Variants in CD200 observed in about 807,000 individuals in gnomAD.
CD200 encodes OX-2 membrane glycoprotein.
A neutral mutation model predicts 30.9 loss-of-function variants in CD200; 15 were observed. The ratio of observed to expected loss-of-function variants is 0.49; its 90% CI spans 0.32 to 0.75. CD200 has a LOEUF of 0.75. CD200 is among the 30% of genes least tolerant of loss of function. The probability of loss-of-function intolerance (pLI) is 0.03; values close to 1 mark genes in which losing one functional copy is unlikely to be tolerated. For missense variants in CD200, 262 were observed against 324.2 expected (o/e 0.81, Z 1.47); for synonymous variants, 134 against 126.2 (o/e 1.06, Z -0.41).
chr3:112,359,878 T>C (rs1199396167), intron 5 of CD200, among the ~76,000 whole-genome samples: 2 of 152,164 alleles, frequency 1.3e-5, no homozygotes, highest in Non-Finnish European at 2.9e-5. Context: ...TTGAAAAGGA[T>C]ACCAGTTACT....
chr3:112,347,522 T>G (rs1413873386), intron 3 of CD200, 36 bp from the exon 4 acceptor site: 1 of 1,604,430 alleles, frequency 6.2e-7, no homozygotes, highest in Non-Finnish European at 8.5e-7. Flanking sequence ...ACCAGGTGCT[T>G]AACTGATAAC....
In CD200 at chr3:112,347,460, T is replaced by A. The variant is rs375367482; in HGVS notation, c.422-98T>A. ...CATGCTATCTTTCTAGCCTCCATTA[T>A]CTTTCTATAAGCATATTTCCTTCAT... On this transcript the variant is annotated intron_variant, in intron 3 of 5. Coordinates refer to ENST00000315711, the MANE Select transcript of CD200 (RefSeq NM_005944.7). The A allele has an allele frequency of 6.6e-6, 8 of 1,212,974 alleles. No individual in the cohort carries two copies. In the African/African-American group the frequency reaches 1.2e-4, roughly 18 times the overall value. The allele number at this position is 1,212,974 out of a possible 1,614,324, so 75.1% of individuals were successfully genotyped here.
intron 3 of CD200, among the ~76,000 whole-genome samples, chr3:112,346,126 G>T (rs1300579628): frequency 2.0e-5 from 3 of 152,206 alleles, no homozygotes; most frequent in Admixed American, 6.5e-5. Flanking sequence ...AATGCCAAAA[G>T]AAATTTCTTT....
intron 5 of CD200, among the ~76,000 whole-genome samples, chr3:112,351,776 C>G (rs1374192535): frequency 6.6e-6 from 1 of 152,122 alleles, no homozygotes; most frequent in African/African-American, 2.4e-5. Context: ...TATTTGGTTT[C>G]TAAAGGCTAT....
chr3:112,352,130 A>G (rs566800219), intron 5 of CD200, among the ~76,000 whole-genome samples: 1 of 152,346 alleles, frequency 6.6e-6, no homozygotes, highest in East Asian at 1.9e-4. Context: ...ATAATTTGGC[A>G]TCATACACTT....
At chr3:112,335,439 A>G (rs1450701303) in intron 1 of CD200, among the ~76,000 whole-genome samples, 1 of 152,228 alleles carries the variant, frequency 6.6e-6, no homozygotes, top group African/African-American at 2.4e-5. Flanking sequence ...ATCTGCAAAG[A>G]ATAATTTGTC....
upstream of CD200, chr3:112,332,771 T>C (rs1283890609): frequency 1.6e-5 from 1 of 62,764 alleles, no homozygotes; most frequent in African/African-American, 7.0e-5. Flanking sequence ...ATGTAAGTTT[T>C]TTCTTTAAAA....
At chr3:112,348,579 G>A (rs938091153) in intron 4 of CD200, among the ~76,000 whole-genome samples, 1 of 152,158 alleles carries the variant, frequency 6.6e-6, no homozygotes, top group Admixed American at 6.5e-5. Flanking sequence ...TTTTCTCTGT[G>A]TAGTTTTGAA....
intron 1 of CD200, among the ~76,000 whole-genome samples, chr3:112,334,847 T>C (rs1050256583): frequency 1.3e-5 from 2 of 152,222 alleles, no homozygotes; most frequent in African/African-American, 4.8e-5. Flanking sequence ...TTTCTTAACA[T>C]TGCTGGCTCC....
At chr3:112,346,853 C>G (rs1046602797) in intron 3 of CD200, among the ~76,000 whole-genome samples, 2 of 152,228 alleles carry the variant, frequency 1.3e-5, no homozygotes, top group Non-Finnish European at 2.9e-5. Context: ...GTACAGGCTA[C>G]AGCTGGCCTG....
intron 1 of CD200, among the ~76,000 whole-genome samples, chr3:112,337,436 C>A (rs762342928): frequency 2.0e-5 from 3 of 151,816 alleles, no homozygotes; most frequent in Non-Finnish European, 4.4e-5. Context: ...TTGCGTGGTG[C>A]GTTTAGAAGT....
At chr3:112,346,845 A>G (rs2081407474) in intron 3 of CD200, among the ~76,000 whole-genome samples, 2 of 152,252 alleles carry the variant, frequency 1.3e-5, no homozygotes, top group Admixed American at 6.5e-5. Flanking sequence ...TCAAAAGGGT[A>G]CAGGCTACAG....
chr3:112,351,189 G>A (rs1321162087), intron 5 of CD200, among the ~76,000 whole-genome samples: 1 of 152,138 alleles, frequency 6.6e-6, no homozygotes, highest in Non-Finnish European at 1.5e-5. Flanking sequence ...GAGCAGGCTA[G>A]GACTAAACCC....
At position 112,342,319 on chromosome 3, in the gene CD200, T is replaced by C. The variant is rs1179406072; in HGVS notation, c.94+1336T>C. Among the ~76,000 whole-genome samples, 26 of 16,118 alleles carry C rather than the reference T, an allele frequency of 1.6e-3. 5 individuals carry two copies. The highest frequency in any genetic ancestry group is 7.1e-3 in the African/African-American group (24 of 3,368). 10.6% of individuals were successfully genotyped at this position (16,118 alleles called of 152,430 possible). The stretch of plus-strand genomic sequence containing the variant: ...CTTCCTTCCTTCCTTTCTTCTTTCT[T>C]TCTTTCTTTCTTTCTTTCCTTCTTT... On this transcript the variant is annotated intron_variant, in intron 2 of 5. Transcript: ENST00000315711.
chr3:112,346,255 C>T (rs1232938882), intron 3 of CD200, among the ~76,000 whole-genome samples: 4 of 149,818 alleles, frequency 2.7e-5, no homozygotes, highest in Admixed American at 6.7e-5. Flanking sequence ...CCTTCCTTTC[C>T]TCCCTCTCTG....
chr3:112,352,147 A>G (rs1185132599), intron 5 of CD200, among the ~76,000 whole-genome samples: 1 of 152,206 alleles, frequency 6.6e-6, no homozygotes, highest in Non-Finnish European at 1.5e-5. Flanking sequence ...ACTTACAGCT[A>G]GTAAAACCAA....
intron 5 of CD200, among the ~76,000 whole-genome samples, chr3:112,356,580 T>C (rs1261406995): frequency 6.6e-6 from 1 of 152,242 alleles, no homozygotes; most frequent in Non-Finnish European, 1.5e-5. Flanking sequence ...AATAGATCTC[T>C]TGAAGTTATT....
chr3:112,352,549 GAGAGAGA>G, intron 5 of CD200, among the ~76,000 whole-genome samples: 1 of 87,606 alleles, frequency 1.1e-5, no homozygotes, highest in Non-Finnish European at 2.9e-5. Flanking sequence ...CTGAGAGAGA[GAGAGAGA>G]GAGAGAGAGA....
Position 112,345,293 on chromosome 3 carries a change from G to T in CD200, c.421+5G>T. ...CGGCCTGCCTCACCGTCTATGGTGAGAATCTCTGAGAATCATTGTCTGTGT... is the reference window on the plus strand; with the variant it reads ...CGGCCTGCCTCACCGTCTATGGTGATAATCTCTGAGAATCATTGTCTGTGT... On this transcript the variant is annotated splice_donor_5th_base_variant and intron_variant, in intron 3 of 5. Coordinates refer to ENST00000315711, the MANE Select transcript of CD200 (RefSeq NM_005944.7). 6.3e-7 allele frequency: 1 copy of T among 1,599,668 alleles called. No individual in the cohort carries two copies. The highest frequency in any genetic ancestry group is 1.1e-5 in the South Asian group (1 of 90,464).
Sources: gnomAD v4.1 joint callset for allele counts (sites outside exome capture counted in the v4.1 genomes callset) on GRCh38, gnomAD v4.1.1 for gene constraint, MANE v1.5 for transcripts, NCBI Gene and HGNC (gene_info 2026-07-23, HGNC 2026-07-21) for gene names.